ZBTB38: variants seen among roughly 807,000 people sequenced by gnomAD.
ZBTB38 encodes the protein zinc finger and BTB domain containing 38, also known as zinc finger and BTB domain-containing protein 38.
In ZBTB38, 20 loss-of-function variants were observed where a neutral mutation model predicts 76.8. The observed-to-expected ratio is 0.26, with a 90% confidence interval of 0.18 to 0.38. The LOEUF (loss-of-function observed/expected upper bound fraction) is 0.38, where lower values mean the gene tolerates loss of function less well. ZBTB38 is among the 10% of genes least tolerant of loss of function. The pLI is 1.00. For missense variants in ZBTB38, 1,082 were observed against 1,482.3 expected, an observed-to-expected ratio of 0.73 and a Z score of 4.43; for synonymous variants, 504 against 544.2, an observed-to-expected ratio of 0.93 and a Z score of 1.03.
At chr3:141,384,135 A>G (rs1200449439) in intron 3 of ZBTB38, among the ~76,000 whole-genome samples, 1 of 152,228 alleles carries the variant, frequency 6.6e-6, no homozygotes, top group Non-Finnish European at 1.5e-5. Context: ...TTACTGATTG[A>G]GTGTCTTGGA....
intron 5 of ZBTB38, among the ~76,000 whole-genome samples, chr3:141,439,599 A>G (rs566005876): frequency 2.2e-4 from 34 of 152,292 alleles, no homozygotes; most frequent in African/African-American, 7.2e-4. Context: ...GACACCCTAG[A>G]GTGTTCATTA....
At position 141,416,956 on chromosome 3, in the gene ZBTB38, G is replaced by A. The variant is rs535858021; in HGVS notation, c.-1+12925G>A. On this transcript the variant is annotated intron_variant, in intron 5 of 5. Transcript: ENST00000321464. ...CAGAATTGTGAGATAATGAATTTCT[G>A]TTGTTTTAAGTCACCAAGTTTGAGG... Among the ~76,000 whole-genome samples the A allele has an allele frequency of 1.4e-4, 21 of 152,290 alleles. 1 individual carries two copies. In the South Asian group the frequency reaches 4.2e-3, roughly 30 times the overall value.
intron 5 of ZBTB38, among the ~76,000 whole-genome samples, chr3:141,441,786 C>T (rs769503328): frequency 3.9e-5 from 6 of 152,040 alleles, no homozygotes; most frequent in Non-Finnish European, 5.9e-5. Context: ...CGTGGTGGCT[C>T]TCACCTGTGG....
At chr3:141,433,593 GAAT>G (rs1219296559) in intron 5 of ZBTB38, among the ~76,000 whole-genome samples, 1 of 151,876 alleles carries the variant, frequency 6.6e-6, no homozygotes, top group African/African-American at 2.4e-5. Context: ...AAATCCAACT[GAAT>G]AATAAAATAA....
intron 1 of ZBTB38, among the ~76,000 whole-genome samples, chr3:141,345,571 G>C (rs1943328460): frequency 6.6e-6 from 1 of 152,114 alleles, no homozygotes. Context: ...CCTATTTTAT[G>C]TAAACTAATT....
At chr3:141,324,882 T>C (rs1942625751) in intron 1 of ZBTB38, among the ~76,000 whole-genome samples, 1 of 152,220 alleles carries the variant, frequency 6.6e-6, no homozygotes, top group Non-Finnish European at 1.5e-5. Flanking sequence ...ATGAAGAGTG[T>C]ATTTATAAAG....
At chr3:141,434,958 C>T (rs2078424045) in intron 5 of ZBTB38, among the ~76,000 whole-genome samples, 1 of 151,840 alleles carries the variant, frequency 6.6e-6, no homozygotes, top group African/African-American at 2.4e-5. Flanking sequence ...ATAGTGGGAC[C>T]CCGTCTCTAA....
chr3:141,442,759 A>G lies in ZBTB38; in HGVS notation c.371A>G (p.Asp124Gly). ...ATATCGTTCTTGGAAGACCTTACTG[A>G]TCGCAACTTCTCAAATTCCCCGGGT... is the stretch of plus-strand genomic sequence containing the variant. ...LGISFLEDLTDRNFSNSPGPY... is the reference protein window; with the variant it reads ...LGISFLEDLTGRNFSNSPGPY... The change falls in exon 6 of 6, where the codon GAT (aspartate) becomes GGT (glycine). Residue 124 changes from aspartate to glycine, a missense_variant. Physicochemically the swap from Asp to Gly is moderately conservative, Grantham distance 94. Coordinates refer to ENST00000321464, the MANE Select transcript of ZBTB38 (RefSeq NM_001376113.1). The surrounding 1 kb of genome is among the most constrained non-coding windows in gnomAD (Gnocchi z 6.4). 6.2e-7 allele frequency: 1 copy of G among 1,614,184 alleles called. No homozygotes were observed. Among genetic ancestry groups the G allele is most frequent in the Non-Finnish European group, 8.5e-7 (1 of 1,180,028 alleles).
In ZBTB38 at chr3:141,425,893, C is replaced by T. The variant is rs1241236095; in HGVS notation, c.1-16496C>T. Among the ~76,000 whole-genome samples, 9 of 152,354 alleles carry T rather than the reference C, an allele frequency of 5.9e-5. No individual in the cohort carries two copies. The East Asian group carries it at 1.7e-3, about 29-fold the overall frequency. ...GGCTGAGTTCCACAGCCTCTCTAAA[C>T]CTCACTTTTCTCATTTGTAAAATGA... On this transcript the variant is annotated intron_variant, in intron 5 of 5. Coordinates refer to ENST00000321464, the MANE Select transcript of ZBTB38 (RefSeq NM_001376113.1).
Position 141,352,952 on chromosome 3 carries a change from A to G in ZBTB38, c.-738-15669A>G, listed in dbSNP as rs189936493. Among the ~76,000 whole-genome samples, 140 of 152,226 alleles carry G rather than the reference A, an allele frequency of 9.2e-4. 1 individual carries two copies. In the Middle Eastern group the frequency reaches 0.01, roughly 11 times the overall value. On this transcript the variant is annotated intron_variant, in intron 1 of 7. Transcript: ENST00000509842. ...ATAAGACTAAGCTGCCTTCAGTCTT[A>G]GTAGTACTAGTTTGCATGCCAAACA... is the stretch of plus-strand genomic sequence containing the variant.
chr3:141,396,530 C>A, intron 4 of ZBTB38: 1 of 171,142 alleles, frequency 5.8e-6, no homozygotes, highest in Non-Finnish European at 1.2e-5. Flanking sequence ...GACCTCCTTC[C>A]ATTAATCATG....
chr3:141,429,233 GTTGCCTTTT>G (rs2076968889), intron 5 of ZBTB38, among the ~76,000 whole-genome samples: 1 of 152,022 alleles, frequency 6.6e-6, no homozygotes, highest in Admixed American at 6.6e-5. Context: ...AAGGCGGCAG[GTTGCCTTTT>G]GGGGGATGGT....
chr3:141,340,954 G>GAAAAGAAAAGAAAAGAAAAGA (rs375341315), intron 1 of ZBTB38, among the ~76,000 whole-genome samples: 79 of 53,392 alleles, frequency 1.5e-3, no homozygotes, highest in Middle Eastern at 6.8e-3. Flanking sequence ...AAGAAGGAAA[G>GAAAAGAAAAGAAAAGAAAAGA]AAAGAAAGAA....
rs1307226298 is a variant in ZBTB38 at position 141,395,552 on chromosome 3, G to C, written c.-105-8375G>C. ...AGGTATTTATATAACAAGTGACAAA[G>C]CAAATTTTCATAAATTTTGTATTAT... On this transcript the variant is annotated intron_variant, in intron 4 of 5. Coordinates refer to ENST00000321464, the MANE Select transcript of ZBTB38 (RefSeq NM_001376113.1). Among the ~76,000 whole-genome samples, 5 of 152,102 alleles carry C rather than the reference G, an allele frequency of 3.3e-5. No homozygotes were observed. The South Asian group carries it at 1.0e-3, about 32-fold the overall frequency.
intron 1 of ZBTB38, among the ~76,000 whole-genome samples, chr3:141,327,315 C>T (rs1942702761): frequency 6.6e-6 from 1 of 152,144 alleles, no homozygotes; most frequent in Admixed American, 6.5e-5. Flanking sequence ...ATCTGACAAA[C>T]ACTATCTTAG....
intron 1 of ZBTB38, among the ~76,000 whole-genome samples, chr3:141,337,212 T>C (rs775098892): frequency 6.6e-6 from 1 of 152,262 alleles, no homozygotes; most frequent in East Asian, 1.9e-4. Context: ...GTGTTTGTGC[T>C]GTGTATTTCA....
intron 1 of ZBTB38, among the ~76,000 whole-genome samples, chr3:141,333,229 C>G (rs1041011714): frequency 6.6e-6 from 1 of 152,174 alleles, no homozygotes; most frequent in Non-Finnish European, 1.5e-5. Flanking sequence ...CCAATGCCAA[C>G]TGGCTCAGTT....
At chr3:141,391,788 A>G (rs1174567885) in intron 4 of ZBTB38, among the ~76,000 whole-genome samples, 5 of 152,180 alleles carry the variant, frequency 3.3e-5, no homozygotes, top group Non-Finnish European at 7.3e-5. Flanking sequence ...GTCTCATCTC[A>G]TCTCATCTGG....
At chr3:141,343,692 C>G (rs191517839) in intron 1 of ZBTB38, among the ~76,000 whole-genome samples, 2 of 152,312 alleles carry the variant, frequency 1.3e-5, no homozygotes, top group East Asian at 3.9e-4. Flanking sequence ...GGACCAATAT[C>G]TTGAGCAATC....
Sources: gnomAD v4.1 joint callset for allele counts (sites outside exome capture counted in the v4.1 genomes callset) on GRCh38, gnomAD v4.1.1 for gene constraint, Gnocchi (gnomAD v3.1) non-coding constraint, MANE v1.5 for transcripts, NCBI Gene and HGNC (gene_info 2026-07-23, HGNC 2026-07-21) for gene names.